The following WFIKKN1 variants were observed in gnomAD, a reference collection of about 807,000 sequenced individuals.
WFIKKN1 encodes WAP, follistatin/kazal, immunoglobulin, kunitz and netrin domain containing 1, also known as WAP, Kazal, immunoglobulin, Kunitz and NTR domain-containing protein 1.
Under a neutral mutation model 4.6 loss-of-function variants are expected in WFIKKN1, and 6 were observed. That is an observed-to-expected ratio of 1.31 (90% CI 0.72 to 2.59). WFIKKN1 has a LOEUF of 2.59. Ranked by LOEUF, WFIKKN1 falls within the 30% of genes most tolerant of loss-of-function variation. WFIKKN1 has a pLI of 0.00. For missense variants in WFIKKN1, 964 were observed against 818.0 expected, an observed-to-expected ratio of 1.18 and a Z score of -2.18; for synonymous variants, 468 against 367.4, an observed-to-expected ratio of 1.27 and a Z score of -3.13.
rs565616740 is a variant in WFIKKN1, at chr16:631,442, G to A, written c.171+18G>A. On this transcript the variant is annotated intron_variant, in intron 1 of 1. Coordinates refer to ENST00000319070, the MANE Select transcript of WFIKKN1 (RefSeq NM_053284.3). Reference sequence around the variant, plus strand: ...GGGACCAGGTGAGTGTGGTCGGGCCGGGGTCCTGGGGCTCAGAGCAGCCAG... The same window carrying A: ...GGGACCAGGTGAGTGTGGTCGGGCCAGGGTCCTGGGGCTCAGAGCAGCCAG... 41 of 1,598,200 alleles carry A rather than the reference G, an allele frequency of 2.6e-5. 1 individual carries two copies. In the South Asian group the frequency reaches 3.3e-4, roughly 13 times the overall value.
chr16:631,358 C>T lies in WFIKKN1; in HGVS notation c.105C>T (p.Asn35=), dbSNP rs749757869. Residue 35 remains asparagine (N), a synonymous_variant, in exon 1 of 2, where the codon AAC becomes AAT. Coordinates refer to ENST00000319070, the MANE Select transcript of WFIKKN1 (RefSeq NM_053284.3). ...GLGSHPGVCP[N]QLSPNLWVDA... The stretch of plus-strand genomic sequence containing the variant: ...GGAGCCACCCGGGCGTGTGCCCCAA[C>T]CAGCTCAGCCCCAACCTGTGGGTGG... The T allele has an allele frequency of 6.2e-7, 1 of 1,608,522 alleles. No individual in the cohort carries two copies. Among genetic ancestry groups the T allele is most frequent in the Non-Finnish European group, 8.5e-7 (1 of 1,179,466 alleles).
chr16:632,471 C>G (rs2151086360), intron 1 of WFIKKN1, 111 bp from the exon 2 acceptor site: 2 of 1,317,414 alleles, frequency 1.5e-6, no homozygotes, highest in South Asian at 3.9e-5. Flanking sequence ...GAGGCAGCCA[C>G]AGAGCGGGGG....
In WFIKKN1 at chr16:632,989, C is replaced by T. The variant is rs746319468; in HGVS notation, c.579C>T (p.Ser193=). The T allele has an allele frequency of 2.5e-6, 4 of 1,597,938 alleles. No individual in the cohort carries two copies. Among genetic ancestry groups the T allele is most frequent in the Non-Finnish European group, 3.4e-6 (4 of 1,171,336 alleles). Residue 193 remains serine, a synonymous_variant, in exon 2 of 2, where the codon TCC becomes TCT. Transcript: ENST00000319070. ...PVPPALYSSP[S]PQAVQVGGTA... ...CTCCTGCCCTGTACAGCAGCCCCTCCCCACAGGCGGTGCAGGTTGGGGGTA... is the reference window on the plus strand; with the variant it reads ...CTCCTGCCCTGTACAGCAGCCCCTCTCCACAGGCGGTGCAGGTTGGGGGTA...
In WFIKKN1 at chr16:632,742, A is replaced by G. The variant is rs1197335179; in HGVS notation, c.332A>G (p.Gln111Arg). Residue 111 changes from glutamine (Q) to arginine (R), a missense_variant, in exon 2 of 2, where the codon CAG (glutamine) becomes CGG (arginine). By Grantham distance (43) the Gln-to-Arg change is conservative. Transcript: ENST00000319070. ...QGSDCDIWDG[Q>R]PVCRCRDRCE... ...TCGGACTGCGACATCTGGGACGGGC[A>G]GCCCGTGTGCCGCTGCCGCGACCGC... 1.2e-6 allele frequency: 2 copies of G among 1,610,306 alleles called. No homozygotes were observed. Among genetic ancestry groups the G allele is most frequent in the East Asian group, 2.2e-5 (1 of 44,826 alleles).
chr16:631,468 C>T, intron 1 of WFIKKN1, 44 bp downstream of exon 1: 1 of 1,588,762 alleles, frequency 6.3e-7, no homozygotes. Context: ...GAGCAGCCAG[C>T]CTGGGCAAGA....
chr16:631,483 G>A, intron 1 of WFIKKN1, 59 bp downstream of exon 1: 1 of 1,563,836 alleles, frequency 6.4e-7, no homozygotes, highest in Non-Finnish European at 8.6e-7. Flanking sequence ...GCAAGACCCT[G>A]CTGGAGGTGC....
In WFIKKN1 at chr16:631,275, C is replaced by T. The variant is rs1177539190; in HGVS notation, c.22C>T (p.Leu8=). Residue 8 remains leucine (L), a synonymous_variant, in exon 1 of 2, where the codon CTG becomes TTG. Coordinates refer to ENST00000319070, the MANE Select transcript of WFIKKN1 (RefSeq NM_053284.3). MPALRPL[L]PLLLLLRLTS... ...CCTCATGCCCGCCCTACGTCCACTC[C>T]TGCCGCTCCTGCTCCTCCTCCGGCT... The T allele has an allele frequency of 3.8e-6, 6 of 1,581,418 alleles. No homozygotes were observed. Among genetic ancestry groups the T allele is most frequent in the East Asian group, 4.6e-5 (2 of 43,558 alleles).
At position 631,374 on chromosome 16, in the gene WFIKKN1, C is replaced by T; in HGVS notation, c.121C>T (p.Leu41=). Residue 41 remains leucine, a synonymous_variant, in exon 1 of 2, where the codon CTG becomes TTG. Transcript: ENST00000319070. ...GVCPNQLSPN[L]WVDAQSTCER... ...GTGCCCCAACCAGCTCAGCCCCAACCTGTGGGTGGACGCCCAGAGCACCTG... is the reference window on the plus strand; with the variant it reads ...GTGCCCCAACCAGCTCAGCCCCAACTTGTGGGTGGACGCCCAGAGCACCTG... 1 of 1,609,348 alleles carries T rather than the reference C, an allele frequency of 6.2e-7. No homozygotes were observed. The highest frequency in any genetic ancestry group is 1.1e-5 in the South Asian group (1 of 91,056).
chr16:631,036 C>T lies in WFIKKN1; in HGVS notation c.-218C>T, dbSNP rs908758617. 5.2e-6 allele frequency: 3 copies of T among 573,908 alleles called. No homozygotes were observed. The highest frequency in any genetic ancestry group is 3.9e-5 in the African/African-American group (2 of 51,194). The allele number at this position is 573,908 out of a possible 1,614,324, so 35.6% of individuals were successfully genotyped here. A position where few individuals can be genotyped will look rare whatever the true frequency, so the allele number is the denominator to read the frequency against. ...AGAGGAACCAGCGTCACACAGACGG[C>T]CTCTGAGAACTTGGAGACCCCGTTA... On this transcript the variant is annotated 5_prime_UTR_variant, in exon 1 of 2. Transcript: ENST00000319070.
In WFIKKN1 at chr16:633,858, G is replaced by A; in HGVS notation, c.1448G>A (p.Ser483Asn). The A allele has an allele frequency of 1.3e-6, 2 of 1,597,576 alleles. No individual in the cohort carries two copies. The highest frequency in any genetic ancestry group is 1.7e-6 in the Non-Finnish European group (2 of 1,172,828). ...LGTKYLEVTL[S>N]GMDWACPCPN... ...ACCAAGTACCTGGAGGTGACGCTGA[G>A]TGGCATGGACTGGGCCTGCCCCTGC... The change falls in exon 2 of 2, where the codon AGT becomes AAT. Residue 483 changes from serine (S) to asparagine (N), a missense_variant. Transcript: ENST00000319070.
intron 1 of WFIKKN1, 34 bp from the exon 2 acceptor site, chr16:632,548 T>C (rs753133186): frequency 3.1e-5 from 46 of 1,469,616 alleles, no homozygotes; most frequent in Non-Finnish European, 3.5e-5. Flanking sequence ...GCGGGGGGCA[T>C]TGGGGCTCCC....
In WFIKKN1 at chr16:633,087, G is replaced by A. The variant is rs375372631; in HGVS notation, c.677G>A (p.Arg226Gln). The A allele has an allele frequency of 4.7e-5, 75 of 1,612,228 alleles. No individual in the cohort carries two copies. In the African/African-American group the frequency reaches 6.7e-4, roughly 14 times the overall value. Reference sequence around the variant, plus strand: ...ACCTGGGAGAAGCAGAGTCACCAGCGAGAGAACCTGATCATGCGCCCTGAT... The same window carrying A: ...ACCTGGGAGAAGCAGAGTCACCAGCAAGAGAACCTGATCATGCGCCCTGAT... ...AVTWEKQSHQ[R>Q]ENLIMRPDQM... is the part of the protein sequence containing the mutation. The change falls in exon 2 of 2, where the codon CGA (arginine) becomes CAA (glutamine). Residue 226 changes from arginine to glutamine, a missense_variant. Transcript: ENST00000319070.
In WFIKKN1 at chr16:631,063, C is replaced by T; in HGVS notation, c.-191C>T. 1.6e-6 allele frequency: 1 copy of T among 636,046 alleles called. No individual in the cohort carries two copies. The highest frequency in any genetic ancestry group is 2.6e-6 in the Non-Finnish European group (1 of 380,658). 39.4% of individuals were successfully genotyped at this position (636,046 alleles called of 1,614,324 possible). ...TCTGAGAACTTGGAGACCCCGTTAC[C>T]CACCCAGCAGGGGTGTCAGGACAAG... On this transcript the variant is annotated 5_prime_UTR_variant, in exon 1 of 2. Coordinates refer to ENST00000319070, the MANE Select transcript of WFIKKN1 (RefSeq NM_053284.3).
rs752131312 is a variant in WFIKKN1 at position 633,648 on chromosome 16, G to A, written c.1238G>A (p.Arg413His). The change falls in exon 2 of 2, where the codon CGC becomes CAC. Residue 413 changes from arginine (R) to histidine (H), a missense_variant. Physicochemically the swap from Arg to His is conservative, Grantham distance 29. Transcript: ENST00000319070. The stretch of plus-strand genomic sequence containing the variant: ...TGCGAGGATGCCTGCCCCGTGCCGC[G>A]CACACCGCCCTGCCGCGCCTGCCGC... ...ESCEDACPVP[R>H]TPPCRACRLR... The A allele has an allele frequency of 2.0e-5, 32 of 1,568,626 alleles. No individual in the cohort carries two copies. The highest frequency in any genetic ancestry group is 1.7e-4 in the East Asian group (7 of 41,854).
Position 633,997 on chromosome 16 carries a change from G to C in WFIKKN1, c.1587G>C (p.Lys529Asn). The change falls in exon 2 of 2, where the codon AAG (lysine) becomes AAC (asparagine). Residue 529 changes from lysine (K) to asparagine (N), a missense_variant. Transcript: ENST00000319070. ...YVRAASEKRV[K>N]KILELLEKQA... ...GCGCCGCCAGCGAGAAGCGCGTCAAGAAGATCTTGGAGCTGCTGGAGAAGC... is the reference window on the plus strand; with the variant it reads ...GCGCCGCCAGCGAGAAGCGCGTCAACAAGATCTTGGAGCTGCTGGAGAAGC... The C allele has an allele frequency of 6.2e-7, 1 of 1,603,276 alleles. No individual in the cohort carries two copies. Among genetic ancestry groups the C allele is most frequent in the Middle Eastern group, 1.7e-4 (1 of 6,022 alleles).
In WFIKKN1 at chr16:634,086, C is replaced by G; in HGVS notation, c.*29C>G. The G allele has an allele frequency of 6.6e-7, 1 of 1,513,892 alleles. No homozygotes were observed. Among genetic ancestry groups the G allele is most frequent in the South Asian group, 1.3e-5 (1 of 76,472 alleles). 93.8% of individuals were successfully genotyped at this position (1,513,892 alleles called of 1,614,324 possible). The stretch of plus-strand genomic sequence containing the variant: ...CCGCAGGGGCCTGCGCCACCCCGTC[C>G]TGGTGAATAAACGCACTCCCTGTGC... On this transcript the variant is annotated 3_prime_UTR_variant, in exon 2 of 2. Coordinates refer to ENST00000319070, the MANE Select transcript of WFIKKN1 (RefSeq NM_053284.3).
Position 631,153 on chromosome 16 carries a change from C to CGCCTGCTGTGACCTGGGAGAAGCAGAGT in WFIKKN1, c.-101_-100insGCCTGCTGTGACCTGGGAGAAGCAGAGT. On this transcript the variant is annotated 5_prime_UTR_variant, in exon 1 of 2. Transcript: ENST00000319070. ...CCCGGGGTCCTGGTGGGGGCACCGA[C>CGCCTGCTGTGACCTGGGAGAAGCAGAGT]CACAGGCCCGGAGGGTGGATGCCTG... 1 of 1,375,942 alleles carries CGCCTGCTGTGACCTGGGAGAAGCAGAGT rather than the reference C, an allele frequency of 7.3e-7. No individual in the cohort carries two copies. Among genetic ancestry groups the CGCCTGCTGTGACCTGGGAGAAGCAGAGT allele is most frequent in the Non-Finnish European group, 9.6e-7 (1 of 1,042,732 alleles). 85.2% of individuals were successfully genotyped at this position (1,375,942 alleles called of 1,614,324 possible).
chr16:631,527 G>C, intron 1 of WFIKKN1, 103 bp downstream of exon 1: 1 of 1,422,664 alleles, frequency 7.0e-7, no homozygotes, highest in Non-Finnish European at 9.3e-7. Flanking sequence ...ACTTCTGGGG[G>C]GTCTGGGTCT....
chr16:633,954 A>T lies in WFIKKN1; in HGVS notation c.1544A>T (p.Asp515Val), dbSNP rs1269957910. The T allele has an allele frequency of 1.3e-6, 2 of 1,596,580 alleles. No homozygotes were observed. The highest frequency in any genetic ancestry group is 1.7e-6 in the Non-Finnish European group (2 of 1,172,578). Residue 515 changes from aspartate to valine, a missense_variant, in exon 2 of 2, where the codon GAC becomes GTC. Physicochemically the swap from Asp to Val is radical, Grantham distance 152. Coordinates refer to ENST00000319070, the MANE Select transcript of WFIKKN1 (RefSeq NM_053284.3). ...GEVRDGVAVL[D>V]AGSYVRAASE... ...GTGCGCGATGGCGTGGCCGTGCTGG[A>T]CGCCGGCAGCTACGTCCGCGCCGCC...
Sources: allele counts gnomAD v4.1 joint callset, GRCh38; gene constraint gnomAD v4.1.1; transcripts MANE v1.5; gene names NCBI Gene and HGNC (gene_info 2026-07-23, HGNC 2026-07-21).